The following MBOAT1 variants were observed in gnomAD, a reference collection of about 807,000 sequenced individuals.
MBOAT1 encodes membrane-bound glycerophospholipid O-acyltransferase 1.
MBOAT1 carries 67 observed loss-of-function variants against 64.4 expected under a neutral mutation model. That is an observed-to-expected ratio of 1.04 (90% confidence interval 0.85 to 1.27). MBOAT1 has a LOEUF of 1.27. MBOAT1 is among the 50% of genes most tolerant of loss of function. The probability of loss-of-function intolerance (pLI) is 0.00; values close to 1 mark genes in which losing one functional copy is unlikely to be tolerated. For missense variants in MBOAT1, 563 were observed against 604.6 expected, an observed-to-expected ratio of 0.93 and a Z score of 0.72; for synonymous variants, 229 against 218.9, an observed-to-expected ratio of 1.05 and a Z score of -0.41.
At chr6:20,203,543 T>C (rs868151281) in intron 1 of MBOAT1, among the ~76,000 whole-genome samples, 1 of 152,212 alleles carries the variant, frequency 6.6e-6, no homozygotes, top group South Asian at 2.1e-4. Context: ...AATTTTATCT[T>C]AATTAAGTCA....
At chr6:20,117,654 C>T (rs1456356933) in intron 9 of MBOAT1, among the ~76,000 whole-genome samples, 1 of 152,174 alleles carries the variant, frequency 6.6e-6, no homozygotes. Flanking sequence ...ACACATACAA[C>T]CCCTCCTGCC....
chr6:20,103,792 A>G (rs1425452758), intron 12 of MBOAT1, among the ~76,000 whole-genome samples: 1 of 152,224 alleles, frequency 6.6e-6, no homozygotes, highest in African/African-American at 2.4e-5. Flanking sequence ...TTTAAAGTTT[A>G]TAAAGTAAAG....
At chr6:20,152,368 AATTAATTAATT>A (rs1561765785) in intron 2 of MBOAT1, among the ~76,000 whole-genome samples, 21 of 110,074 alleles carry the variant, frequency 1.9e-4, no homozygotes, top group East Asian at 4.1e-4. Context: ...TAAATAAATT[AATTAATTAATT>A]AATTAATTAA....
chr6:20,113,113 C>T (rs1022989923), intron 10 of MBOAT1, 105 bp from the exon 11 acceptor site: 2 of 1,362,980 alleles, frequency 1.5e-6, no homozygotes, highest in Non-Finnish European at 2.0e-6. Flanking sequence ...TTGGTTGTTA[C>T]TGATGAGATG....
chr6:20,167,416 G>A (rs1762044796), intron 1 of MBOAT1, among the ~76,000 whole-genome samples: 1 of 152,148 alleles, frequency 6.6e-6, no homozygotes, highest in Non-Finnish European at 1.5e-5. Context: ...CCAGCATAGG[G>A]GGCTGTTAAT....
At chr6:20,147,437 C>T (rs1281738848) in intron 3 of MBOAT1, among the ~76,000 whole-genome samples, 4 of 152,144 alleles carry the variant, frequency 2.6e-5, no homozygotes, top group Non-Finnish European at 5.9e-5. Flanking sequence ...GTCAGGGGTT[C>T]GAGACCAGCC....
chr6:20,205,413 T>G (rs2113776014), intron 1 of MBOAT1, among the ~76,000 whole-genome samples: 1 of 152,280 alleles, frequency 6.6e-6, no homozygotes, highest in South Asian at 2.1e-4. Flanking sequence ...AATCACCTCT[T>G]GTTCCACAAC....
At chr6:20,205,147 C>T (rs62397952) in intron 1 of MBOAT1, among the ~76,000 whole-genome samples, 15,186 of 151,830 alleles carry the variant, frequency 0.1, 1,319 homozygotes, top group African/African-American at 0.24. Context: ...TGCAGGGTGC[C>T]ATGATCAAGC....
intron 1 of MBOAT1, among the ~76,000 whole-genome samples, chr6:20,166,006 G>A (rs1385989291): frequency 6.6e-6 from 1 of 151,848 alleles, no homozygotes; most frequent in Admixed American, 6.6e-5. Context: ...GTACATGAGA[G>A]AAGTTCACAG....
chr6:20,167,373 G>A (rs1024196753), intron 1 of MBOAT1, among the ~76,000 whole-genome samples: 2 of 152,136 alleles, frequency 1.3e-5, no homozygotes, highest in Non-Finnish European at 2.9e-5. Flanking sequence ...ACTTCCCCCA[G>A]TAACATATAA....
intron 1 of MBOAT1, among the ~76,000 whole-genome samples, chr6:20,162,090 A>C (rs1268814737): frequency 6.6e-6 from 1 of 152,142 alleles, no homozygotes; most frequent in Non-Finnish European, 1.5e-5. Context: ...ATTAGGACCC[A>C]CTGTAATGAC....
intron 11 of MBOAT1, 148 bp from the exon 12 acceptor site, chr6:20,109,897 C>T (rs1760074821): frequency 5.3e-6 from 2 of 376,480 alleles, no homozygotes; most frequent in South Asian, 5.3e-5. Flanking sequence ...CAAATACCAT[C>T]AGGACTTTTT....
intron 8 of MBOAT1, among the ~76,000 whole-genome samples, chr6:20,123,967 G>C (rs534485410): frequency 8.5e-5 from 13 of 152,292 alleles, no homozygotes; most frequent in African/African-American, 3.1e-4. Context: ...TGAGGCAGGA[G>C]AATGGCATTA....
intron 1 of MBOAT1, among the ~76,000 whole-genome samples, chr6:20,190,547 C>T (rs1055417006): frequency 6.6e-6 from 1 of 152,154 alleles, no homozygotes; most frequent in Non-Finnish European, 1.5e-5. Context: ...GTTCTTTTCA[C>T]TCAGTATGAT....
intron 1 of MBOAT1, among the ~76,000 whole-genome samples, chr6:20,190,793 A>T (rs970592046): frequency 2.0e-5 from 3 of 152,074 alleles, no homozygotes; most frequent in African/African-American, 7.2e-5. Flanking sequence ...ATAGGTAGGG[A>T]TATCAGGCAG....
chr6:20,114,903 T>A (rs997374992), intron 10 of MBOAT1, among the ~76,000 whole-genome samples: 1 of 147,366 alleles, frequency 6.8e-6, no homozygotes, highest in South Asian at 2.1e-4. Flanking sequence ...AAAAAAAAAA[T>A]TTAATTCTGA....
At chr6:20,132,599 T>C (rs540123383) in intron 4 of MBOAT1, among the ~76,000 whole-genome samples, 2 of 152,252 alleles carry the variant, frequency 1.3e-5, no homozygotes, top group South Asian at 4.1e-4. Flanking sequence ...AAGACCTAGA[T>C]CTAAGAGCTA....
At position 20,182,086 on chromosome 6, in the gene MBOAT1, G is replaced by A. The variant is rs544188649; in HGVS notation, c.100-29317C>T. Among the ~76,000 whole-genome samples, 38 of 152,316 alleles carry A rather than the reference G, an allele frequency of 2.5e-4. No individual in the cohort carries two copies. The South Asian group carries it at 5.8e-3, about 23-fold the overall frequency. On this transcript the variant is annotated intron_variant, in intron 1 of 12. Transcript: ENST00000324607. Reference sequence around the variant, plus strand: ...TAGGCGTATAATGCCTATTTCCAGAGTTGTTAGGAGAATCTGAGTAATGCA... The same window carrying A: ...TAGGCGTATAATGCCTATTTCCAGAATTGTTAGGAGAATCTGAGTAATGCA...
chr6:20,148,137 T>G (rs1304766572), intron 3 of MBOAT1, among the ~76,000 whole-genome samples: 1 of 152,216 alleles, frequency 6.6e-6, no homozygotes, highest in Non-Finnish European at 1.5e-5. Flanking sequence ...GGGTTAGTTT[T>G]GGCCAGGCAT....
Sources: allele counts gnomAD v4.1 joint callset (sites outside exome capture counted in the v4.1 genomes callset), GRCh38; gene constraint gnomAD v4.1.1; transcripts MANE v1.5; gene names NCBI Gene and HGNC (gene_info 2026-07-23, HGNC 2026-07-21).